The following GALNT15 variants were observed in gnomAD, a reference collection of about 807,000 sequenced individuals.
GALNT15 encodes polypeptide N-acetylgalactosaminyltransferase 15.
In GALNT15, 67 loss-of-function variants were observed where a neutral mutation model predicts 66.8. That is an observed-to-expected ratio of 1.00 (90% CI 0.82 to 1.23). The LOEUF is 1.23. GALNT15 is among the 50% of genes most tolerant of loss of function. The pLI is 0.00. For synonymous variants in GALNT15, 313 were observed against 311.5 expected (o/e 1.00, Z -0.05); for missense variants, 827 against 804.3 (o/e 1.03, Z -0.34).
At position 16,200,581 on chromosome 3, in the gene GALNT15, A is replaced by C. The variant is rs1228910418; in HGVS notation, c.707-38A>C. On this transcript the variant is annotated intron_variant, in intron 2 of 9. Transcript: ENST00000339732. The surrounding 1 kb of genome is among the most constrained non-coding windows in gnomAD (Gnocchi z 4.4). ...TAGTCACAATCTCATCGGTTGTGGC[A>C]TTTGTCATTCCACTGACCACAACCC... The C allele has an allele frequency of 6.9e-7, 1 of 1,439,826 alleles. No homozygotes were observed. Among genetic ancestry groups the C allele is most frequent in the Non-Finnish European group, 9.3e-7 (1 of 1,078,712 alleles). 89.2% of individuals were successfully genotyped at this position (1,439,826 alleles called of 1,614,324 possible). A position where few individuals can be genotyped will look rare whatever the true frequency, so the allele number is the denominator to read the frequency against.
At chr3:16,201,756 A>T (rs1368756586) in intron 3 of GALNT15, among the ~76,000 whole-genome samples, 1 of 152,138 alleles carries the variant, frequency 6.6e-6, no homozygotes. Context: ...TCCTTCCCCC[A>T]TCTGACCGTC....
chr3:16,183,694 C>A lies in GALNT15; in HGVS notation c.539+8004C>A, dbSNP rs1265698078. Among the ~76,000 whole-genome samples the A allele has an allele frequency of 1.3e-5, 2 of 152,156 alleles. No homozygotes were observed. The highest frequency in any genetic ancestry group is 2.9e-5 in the Non-Finnish European group (2 of 68,030). ...TAGAGAAGCCTATCCGAGTGGGGCG[C>A]CTCCACTGATTTGATAGGAACTGGG... On this transcript the variant is annotated intron_variant, in intron 1 of 9. Coordinates refer to ENST00000339732, the MANE Select transcript of GALNT15 (RefSeq NM_054110.5). This position sits in a 1 kb window ranked among gnomAD's most constrained non-coding sequence, Gnocchi z 5.2.
At chr3:16,214,288 C>T (rs1415244454) in intron 6 of GALNT15, among the ~76,000 whole-genome samples, 1 of 152,206 alleles carries the variant, frequency 6.6e-6, no homozygotes, top group Non-Finnish European at 1.5e-5. Context: ...CAACTCTAGA[C>T]ACCGATCTAG....
intron 3 of GALNT15, among the ~76,000 whole-genome samples, chr3:16,207,501 TAAAAAAAAAAAA>T (rs36127239): frequency 0.11 from 4,480 of 39,798 alleles, 696 homozygotes; most frequent in African/African-American, 0.14. Flanking sequence ...CTCCAGGCTG[TAAAAAAAAAAAA>T]AAAAAAAAAA....
At chr3:16,231,454 A>G (rs1259817661), downstream of GALNT15, among the ~76,000 whole-genome samples, 2 of 152,162 alleles carry the variant, frequency 1.3e-5, no homozygotes, top group African/African-American at 4.8e-5. The surrounding 1 kb of genome is among the most constrained non-coding windows in gnomAD (Gnocchi z 4.1). Context: ...TTGCTGGAGT[A>G]GTAGTTCTTT....
chr3:16,222,848 C>T (rs2063960654), intron 9 of GALNT15, 90 bp downstream of exon 9: 1 of 1,452,892 alleles, frequency 6.9e-7, no homozygotes, highest in African/African-American at 1.4e-5. Flanking sequence ...TCCAAGAGGT[C>T]AGGTATTAGG....
intron 3 of GALNT15, among the ~76,000 whole-genome samples, chr3:16,201,343 G>T (rs9833164): frequency 0.087 from 13,235 of 151,804 alleles, 921 homozygotes; most frequent in African/African-American, 0.19. Context: ...CACCACACCC[G>T]GCTAATTTTT....
Position 16,212,766 on chromosome 3 carries a change from A to T in GALNT15, c.1392+3A>T. 9.9e-6 allele frequency: 16 copies of T among 1,611,658 alleles called. No individual in the cohort carries two copies. The highest frequency in any genetic ancestry group is 1.4e-5 in the Non-Finnish European group (16 of 1,179,122). On this transcript the variant is annotated splice_donor_region_variant and intron_variant, in intron 6 of 9. Transcript: ENST00000339732. ...CAGAGGCCTTCTCCTTGAGCAAGGTAAGGAGAGAGCCAAGTGGGGCTTCTG... is the reference window on the plus strand; with the variant it reads ...CAGAGGCCTTCTCCTTGAGCAAGGTTAGGAGAGAGCCAAGTGGGGCTTCTG...
At chr3:16,190,747 C>G (rs1464583027) in intron 1 of GALNT15, among the ~76,000 whole-genome samples, 3 of 152,020 alleles carry the variant, frequency 2.0e-5, no homozygotes, top group Non-Finnish European at 4.4e-5. Context: ...ATATTTAGTT[C>G]CACACTCCAA....
rs2124903257 is a variant in GALNT15 at position 16,222,877 on chromosome 3, T to A, written c.1773+119T>A. On this transcript the variant is annotated intron_variant, in intron 9 of 9. Transcript: ENST00000339732. ...TATTAGGGACCTCTGCCTCTGCTTT[T>A]GAACTTAGTGGCTGGGCAGTAAGGC... 2.5e-6 allele frequency: 3 copies of A among 1,197,794 alleles called. No individual in the cohort carries two copies. In the East Asian group the frequency reaches 7.6e-5, roughly 30 times the overall value. The allele number at this position is 1,197,794 out of a possible 1,614,324, so 74.2% of individuals were successfully genotyped here.
chr3:16,243,228 G>T, the GALNT15 span, among the ~76,000 whole-genome samples: 1 of 152,378 alleles, frequency 6.6e-6, no homozygotes, highest in Admixed American at 6.5e-5. Flanking sequence ...TGGAGAGGGT[G>T]GGGCTTGACC....
chr3:16,191,045 C>A lies in GALNT15; in HGVS notation c.540-4715C>A, dbSNP rs2063572087. On this transcript the variant is annotated intron_variant, in intron 1 of 9. Coordinates refer to ENST00000339732, the MANE Select transcript of GALNT15 (RefSeq NM_054110.5). The surrounding 1 kb of genome is among the most constrained non-coding windows in gnomAD (Gnocchi z 5.2). The stretch of plus-strand genomic sequence containing the variant: ...TAGCCTTGTAATGGCTTTCAAGAAC[C>A]CATTTGGCCTTTCACATCTCTTAGC... Among the ~76,000 whole-genome samples, 1 of 152,198 alleles carries A rather than the reference C, an allele frequency of 6.6e-6. No homozygotes were observed. The highest frequency in any genetic ancestry group is 1.5e-5 in the Non-Finnish European group (1 of 68,038).
At chr3:16,236,213 T>C (rs555937310), downstream of GALNT15, among the ~76,000 whole-genome samples, 6 of 143,384 alleles carry the variant, frequency 4.2e-5, no homozygotes, top group South Asian at 2.5e-4. Context: ...TGTTGCCACA[T>C]ACCACCAAAG....
Position 16,195,827 on chromosome 3 carries a change from G to T in GALNT15, c.607G>T (p.Ala203Ser). Reference sequence around the variant, plus strand: ...CGTCATCCTCTGTTTCCATGATGAGGCCTGGTCCACTCTCCTGCGGACTGT... The same window carrying T: ...CGTCATCCTCTGTTTCCATGATGAGTCCTGGTCCACTCTCCTGCGGACTGT... ...ASVILCFHDE[A>S]WSTLLRTVHS... Residue 203 changes from alanine to serine, a missense_variant, in exon 2 of 10, where the codon GCC (alanine) becomes TCC (serine). Transcript: ENST00000339732. This position sits in a 1 kb window ranked among gnomAD's most constrained non-coding sequence, Gnocchi z 4.6. 2 of 1,613,972 alleles carry T rather than the reference G, an allele frequency of 1.2e-6. No homozygotes were observed. The highest frequency in any genetic ancestry group is 1.7e-6 in the Non-Finnish European group (2 of 1,179,972).
At chr3:16,179,583 C>A (rs1330444936) in intron 1 of GALNT15, among the ~76,000 whole-genome samples, 1 of 152,144 alleles carries the variant, frequency 6.6e-6, no homozygotes, top group African/African-American at 2.4e-5. Context: ...GAGTTAGAAG[C>A]AACAGACTCT....
rs1034541489 is a variant in GALNT15 at position 16,181,429 on chromosome 3, C to T, written c.539+5739C>T. 6.6e-6 allele frequency among the ~76,000 whole-genome samples: 1 copy of T among 152,078 alleles called. No individual in the cohort carries two copies. The highest frequency in any genetic ancestry group is 2.4e-5 in the African/African-American group (1 of 41,424). On this transcript the variant is annotated intron_variant, in intron 1 of 9. Coordinates refer to ENST00000339732, the MANE Select transcript of GALNT15 (RefSeq NM_054110.5). The surrounding 1 kb of genome is among the most constrained non-coding windows in gnomAD (Gnocchi z 5.9). The stretch of plus-strand genomic sequence containing the variant: ...GGGATATCTTCTGCTTTGTTCCCCA[C>T]TTCCTGCCCCAGAGGCCATAATGGG...
rs553905963 is a variant in GALNT15 at position 16,230,120 on chromosome 3, GATTTTGTTGTTCGTTTTTTAAGATTGA to G, written c.*2629_*2655del. 8.4e-3 allele frequency among the ~76,000 whole-genome samples: 1,285 copies of G among 152,256 alleles called. 8 individuals are homozygous for G. The highest frequency in any genetic ancestry group is 0.013 in the Non-Finnish European group (899 of 68,014). On this transcript the variant is annotated 3_prime_UTR_variant, in exon 10 of 10. Coordinates refer to ENST00000339732, the MANE Select transcript of GALNT15 (RefSeq NM_054110.5). The surrounding 1 kb of genome is among the most constrained non-coding windows in gnomAD (Gnocchi z 4.5). Reference sequence around the variant, plus strand: ...CTTGTCTACCTGAATTTTGTGATTGGATTTTGTTGTTCGTTTTTTAAGATTGAATTTTGTTACCACCCCCACCAAGTT... The same window carrying G: ...CTTGTCTACCTGAATTTTGTGATTGGATTTTGTTACCACCCCCACCAAGTT...
chr3:16,189,099 G>A lies in GALNT15; in HGVS notation c.540-6661G>A, dbSNP rs1385986815. 6.6e-6 allele frequency among the ~76,000 whole-genome samples: 1 copy of A among 152,134 alleles called. No individual in the cohort carries two copies. The highest frequency in any genetic ancestry group is 1.9e-4 in the East Asian group (1 of 5,198). On this transcript the variant is annotated intron_variant, in intron 1 of 9. Transcript: ENST00000339732. This position sits in a 1 kb window ranked among gnomAD's most constrained non-coding sequence, Gnocchi z 5.1. ...ATTTTAACAACAACAACAAAAAAAG[G>A]AAGCCACCAAAGCCACTGGATGAGC...
In GALNT15 at chr3:16,204,943, ATGTGCGTGCGTGTGTG is replaced by A. The variant is rs756085731; in HGVS notation, c.912-3553_912-3538del. On this transcript the variant is annotated intron_variant, in intron 3 of 9. Coordinates refer to ENST00000339732, the MANE Select transcript of GALNT15 (RefSeq NM_054110.5). This position sits in a 1 kb window ranked among gnomAD's most constrained non-coding sequence, Gnocchi z 4.5. ...AGTCTGAGTGTGGGGGGGAGCGAGC[ATGTGCGTGCGTGTGTG>A]TGTGCGCGCGCATGTGCGCGTCAAG... 6.6e-5 allele frequency among the ~76,000 whole-genome samples: 10 copies of A among 152,240 alleles called. No individual in the cohort carries two copies. Among genetic ancestry groups the A allele is most frequent in the Middle Eastern group, 3.4e-3 (1 of 294 alleles).
Sources: gnomAD v4.1 joint callset for allele counts (sites outside exome capture counted in the v4.1 genomes callset) on GRCh38, gnomAD v4.1.1 for gene constraint, Gnocchi (gnomAD v3.1) non-coding constraint, MANE v1.5 for transcripts, NCBI Gene and HGNC (gene_info 2026-07-23, HGNC 2026-07-21) for gene names.